Variants in ACOXL observed in about 807,000 individuals in gnomAD.
ACOXL encodes acyl-coenzyme A oxidase-like protein.
In ACOXL, 70 loss-of-function variants were observed where a neutral mutation model predicts 71.9. The observed-to-expected ratio is 0.97, with a 90% CI of 0.80 to 1.19. The LOEUF is 1.19. ACOXL is among the 50% of genes most tolerant of loss of function. ACOXL has a pLI of 0.00. For synonymous variants in ACOXL, 253 were observed against 281.6 expected (o/e 0.90, Z 1.02); for missense variants, 703 against 736.3 (o/e 0.95, Z 0.52).
At position 110,987,176 on chromosome 2, in the gene ACOXL, C is replaced by A; in HGVS notation, c.1128C>A (p.Leu376=). 1.3e-6 allele frequency: 2 copies of A among 1,579,158 alleles called. No homozygotes were observed. Among genetic ancestry groups the A allele is most frequent in the Non-Finnish European group, 8.6e-7 (1 of 1,159,438 alleles). ...AAGAAAAACCACTCTTTGGCCTGCT[C>A]CAAAACTGGGCTGAATCTGTGGGGG... is the stretch of plus-strand genomic sequence containing the variant. ...QYEEKPLFGL[L]QNWAESVGDK... Residue 376 remains leucine (L), a synonymous_variant, in exon 13 of 18, where the codon CTC becomes CTA. Transcript: ENST00000439055.
At chr2:111,004,306 A>T (rs1473487464) in intron 14 of ACOXL, among the ~76,000 whole-genome samples, 1 of 31,376 alleles carries the variant, frequency 3.2e-5, no homozygotes, top group Non-Finnish European at 5.9e-5. Context: ...TACTTTAGAG[A>T]TGCTTGGCCA....
At chr2:110,802,824 G>A (rs1028417167) in intron 8 of ACOXL, among the ~76,000 whole-genome samples, 2 of 152,120 alleles carry the variant, frequency 1.3e-5, no homozygotes, top group African/African-American at 2.4e-5. Flanking sequence ...ATTGTACAGC[G>A]TGATAATAGT....
intron 1 of ACOXL, among the ~76,000 whole-genome samples, chr2:110,767,529 G>A (rs573166978): frequency 1.3e-5 from 2 of 152,318 alleles, no homozygotes; most frequent in East Asian, 3.9e-4. Context: ...AACCTTGTGA[G>A]GCTCAACCAT....
At chr2:110,782,332 CAATT>C (rs1181495983) in intron 2 of ACOXL, among the ~76,000 whole-genome samples, 7 of 152,026 alleles carry the variant, frequency 4.6e-5, no homozygotes, top group Non-Finnish European at 8.8e-5. Context: ...TAATTAAGAA[CAATT>C]AATCAGAAAT....
chr2:110,813,469 A>G (rs969227814), intron 9 of ACOXL, among the ~76,000 whole-genome samples: 1 of 152,082 alleles, frequency 6.6e-6, no homozygotes, highest in African/African-American at 2.4e-5. Flanking sequence ...TACTACCGGG[A>G]GAACGATGCC....
chr2:110,875,121 G>A (rs764357217), intron 10 of ACOXL, among the ~76,000 whole-genome samples: 3 of 152,194 alleles, frequency 2.0e-5, no homozygotes, highest in East Asian at 1.9e-4. Flanking sequence ...GGCCAATGAC[G>A]CAGCACAGTT....
intron 11 of ACOXL, among the ~76,000 whole-genome samples, chr2:110,928,218 A>G (rs752666182): frequency 4.6e-5 from 7 of 152,210 alleles, no homozygotes; most frequent in Non-Finnish European, 8.8e-5. Context: ...CACACATTCA[A>G]GTTCTTGCCA....
intron 11 of ACOXL, among the ~76,000 whole-genome samples, chr2:110,920,131 A>G (rs1210477517): frequency 6.6e-6 from 1 of 152,216 alleles, no homozygotes; most frequent in Admixed American, 6.5e-5. Flanking sequence ...TAACTTTATA[A>G]GAAATTGCTA....
chr2:110,751,056 TG>T (rs1678877855), intron 1 of ACOXL, among the ~76,000 whole-genome samples: 1 of 151,446 alleles, frequency 6.6e-6, no homozygotes, highest in Admixed American at 6.6e-5. Flanking sequence ...CCCAGCACTT[TG>T]GGAGGCCGAG....
chr2:110,799,419 G>A (rs975827715), intron 7 of ACOXL, among the ~76,000 whole-genome samples: 2 of 152,180 alleles, frequency 1.3e-5, no homozygotes, highest in Non-Finnish European at 2.9e-5. Context: ...GGGGCAGGCT[G>A]TAGCTCTCTT....
intron 11 of ACOXL, among the ~76,000 whole-genome samples, chr2:110,928,453 A>G (rs2060359476): frequency 1.3e-5 from 2 of 152,232 alleles, no homozygotes; most frequent in Non-Finnish European, 2.9e-5. Context: ...CTCTTTGTTA[A>G]AAAATGAAGT....
intron 14 of ACOXL, among the ~76,000 whole-genome samples, chr2:111,008,290 A>G (rs575351844): frequency 1.3e-5 from 2 of 152,344 alleles, no homozygotes; most frequent in South Asian, 4.1e-4. Flanking sequence ...TCTAATATTC[A>G]GTGCTATACA....
At chr2:111,003,625 A>G (rs1423679574) in intron 14 of ACOXL, among the ~76,000 whole-genome samples, 1 of 148,394 alleles carries the variant, frequency 6.7e-6, no homozygotes, top group Non-Finnish European at 1.5e-5. Context: ...CAGTTCTCAC[A>G]TCTGTAATTT....
At chr2:110,754,093 G>C (rs562607148) in intron 1 of ACOXL, among the ~76,000 whole-genome samples, 41 of 132,170 alleles carry the variant, frequency 3.1e-4, no homozygotes, top group Admixed American at 2.7e-3. Context: ...TTTTTTTTGA[G>C]ATAGGGTCTC....
chr2:111,056,788 C>CAAAAAA (rs34865595), intron 16 of ACOXL, among the ~76,000 whole-genome samples: 3 of 102,318 alleles, frequency 2.9e-5, no homozygotes, highest in African/African-American at 4.0e-5. Context: ...ACTCTGTCTC[C>CAAAAAA]AAAAAAAAAA....
chr2:111,059,737 G>A (rs2066711711), intron 16 of ACOXL, among the ~76,000 whole-genome samples: 1 of 151,102 alleles, frequency 6.6e-6, no homozygotes, highest in Non-Finnish European at 1.5e-5. Flanking sequence ...TGAAGAAGCT[G>A]GCAACCTGGA....
chr2:110,794,274 G>A, intron 5 of ACOXL, 100 bp downstream of exon 5: 1 of 1,143,758 alleles, frequency 8.7e-7, no homozygotes. Flanking sequence ...CTCTGTGTGT[G>A]CTCTCTGGCC....
intron 12 of ACOXL, among the ~76,000 whole-genome samples, chr2:110,959,815 A>G (rs1372424366): frequency 6.6e-6 from 1 of 152,186 alleles, no homozygotes; most frequent in Non-Finnish European, 1.5e-5. Flanking sequence ...ATGACTGCAT[A>G]TATCATTAGC....
At chr2:110,764,208 C>G (rs1371629455) in intron 1 of ACOXL, among the ~76,000 whole-genome samples, 1 of 152,122 alleles carries the variant, frequency 6.6e-6, no homozygotes, top group East Asian at 1.9e-4. Flanking sequence ...GAAACCTGCA[C>G]ATGGATATTT....
Sources: gnomAD v4.1 joint callset for allele counts (sites outside exome capture counted in the v4.1 genomes callset) on GRCh38, gnomAD v4.1.1 for gene constraint, MANE v1.5 for transcripts, NCBI Gene and HGNC (gene_info 2026-07-23, HGNC 2026-07-21) for gene names.